Variants in PDLIM5 observed in about 807,000 individuals in gnomAD.
The protein encoded by PDLIM5 is PDZ and LIM domain 5, also known as PDZ and LIM domain protein 5.
Under a neutral mutation model 64.2 loss-of-function variants are expected in PDLIM5, and 34 were observed. The ratio of observed to expected loss-of-function variants is 0.53; its 90% CI spans 0.40 to 0.71. The LOEUF (loss-of-function observed/expected upper bound fraction) is 0.71. Ranked by LOEUF, PDLIM5 falls within the 30% of genes least tolerant of loss-of-function variation. The pLI is 0.00. For missense variants in PDLIM5, 683 were observed against 733.6 expected (o/e 0.93, Z 0.80); for synonymous variants, 253 against 269.1 (o/e 0.94, Z 0.59).
chr4:94,593,657 G>A (rs1736847144), intron 7 of PDLIM5, among the ~76,000 whole-genome samples: 1 of 152,054 alleles, frequency 6.6e-6, no homozygotes, highest in Non-Finnish European at 1.5e-5. Context: ...CCTCTTTAAA[G>A]GACCTATCTC....
Position 94,640,339 on chromosome 4 carries a change from C to T in PDLIM5, c.1172C>T (p.Ser391Leu). The T allele has an allele frequency of 6.2e-7, 1 of 1,612,578 alleles. No homozygotes were observed. The highest frequency in any genetic ancestry group is 8.5e-7 in the Non-Finnish European group (1 of 1,178,658). The change falls in exon 9 of 13, where the codon TCA (serine) becomes TTA (leucine). Residue 391 changes from serine to leucine, a missense_variant. Transcript: ENST00000317968. ...TCAGGATCAGTGGCACCAGCCAACT[C>T]AGCTTTGGGACAAACCCAGCCAAGT... ...TYSGSVAPAN[S>L]ALGQTQPSDQ...
intron 3 of PDLIM5, among the ~76,000 whole-genome samples, chr4:94,567,234 C>T (rs1342623618): frequency 6.6e-6 from 1 of 152,182 alleles, no homozygotes; most frequent in Non-Finnish European, 1.5e-5. Flanking sequence ...ACCTCGTGAT[C>T]TGCCCACCTT....
At chr4:94,507,701 A>T (rs112003085) in intron 2 of PDLIM5, among the ~76,000 whole-genome samples, 1 of 152,330 alleles carries the variant, frequency 6.6e-6, no homozygotes, top group South Asian at 2.1e-4. Context: ...TTTACCTGCA[A>T]CTTCTGGTAG....
chr4:94,619,761 A>G (rs981330971), intron 8 of PDLIM5, among the ~76,000 whole-genome samples: 1 of 152,132 alleles, frequency 6.6e-6, no homozygotes, highest in Non-Finnish European at 1.5e-5. Context: ...TGCCACTTCA[A>G]CTTCCCTAGT....
Position 94,654,649 on chromosome 4 carries a change from T to C in PDLIM5, c.1464+9T>C, listed in dbSNP as rs1294935961. On this transcript the variant is annotated intron_variant, in intron 10 of 12. Transcript: ENST00000317968. ...AAAGGAAGATCCTTGGAGTAAGTAT[T>C]GGAAACGTTTTTATTCTGAATGAGT... The C allele has an allele frequency of 2.1e-5, 33 of 1,570,404 alleles. No homozygotes were observed. The highest frequency in any genetic ancestry group is 2.8e-5 in the Non-Finnish European group (32 of 1,145,962).
In PDLIM5 at chr4:94,517,764, A is replaced by G. The variant is rs1246476484; in HGVS notation, c.97-5960A>G. Among the ~76,000 whole-genome samples, 4 of 152,228 alleles carry G rather than the reference A, an allele frequency of 2.6e-5. No individual in the cohort carries two copies. In the East Asian group the frequency reaches 7.7e-4, roughly 29 times the overall value. On this transcript the variant is annotated intron_variant, in intron 2 of 12. Coordinates refer to ENST00000317968, the MANE Select transcript of PDLIM5 (RefSeq NM_006457.5). ...CATTCCATATTTGTTGAAAATATGC[A>G]GAAGATTGAAACTTGCCCTTTGGTA... is the stretch of plus-strand genomic sequence containing the variant.
At chr4:94,614,970 C>T (rs1236210218) in intron 7 of PDLIM5, among the ~76,000 whole-genome samples, 1 of 152,124 alleles carries the variant, frequency 6.6e-6, no homozygotes, top group Non-Finnish European at 1.5e-5. Flanking sequence ...AGTAAATGTA[C>T]TTATTGCTAA....
At chr4:94,624,767 G>A (rs1396214967) in intron 8 of PDLIM5, among the ~76,000 whole-genome samples, 2 of 152,180 alleles carry the variant, frequency 1.3e-5, no homozygotes, top group Admixed American at 6.5e-5. Flanking sequence ...AAGTAGTTCA[G>A]TATGTTTAAG....
chr4:94,592,889 G>A (rs1560727439), intron 7 of PDLIM5, among the ~76,000 whole-genome samples: 1 of 152,088 alleles, frequency 6.6e-6, no homozygotes, highest in African/African-American at 2.4e-5. Context: ...TAGGATCGTC[G>A]GTGTGAGCCA....
chr4:94,523,945 C>A, intron 3 of PDLIM5, 70 bp downstream of exon 3: 2 of 1,152,894 alleles, frequency 1.7e-6, no homozygotes, highest in Non-Finnish European at 2.5e-6. Flanking sequence ...GTGTCTGACT[C>A]ACGGTGTTAA....
chr4:94,645,345 T>G (rs537196572), intron 9 of PDLIM5, among the ~76,000 whole-genome samples: 3 of 152,252 alleles, frequency 2.0e-5, no homozygotes, highest in African/African-American at 7.2e-5. Flanking sequence ...TCCATATTTT[T>G]GCAGTTGTGA....
At chr4:94,610,219 A>G in intron 7 of PDLIM5, 1 of 1,519,410 alleles carries the variant, frequency 6.6e-7, no homozygotes, top group Non-Finnish European at 8.8e-7. Flanking sequence ...AAACTTTTCT[A>G]CCTTCTCTTC....
chr4:94,643,802 A>G (rs1006233457), intron 9 of PDLIM5, among the ~76,000 whole-genome samples: 3 of 152,186 alleles, frequency 2.0e-5, no homozygotes, highest in Admixed American at 6.5e-5. Context: ...GTGATTTTCA[A>G]ACCTCTCTCA....
chr4:94,528,638 C>T (rs896653040), intron 3 of PDLIM5, among the ~76,000 whole-genome samples: 8 of 152,002 alleles, frequency 5.3e-5, no homozygotes, highest in Admixed American at 1.3e-4. Flanking sequence ...TACTATGTGC[C>T]GGGCACTGTT....
chr4:94,525,287 T>C (rs895620642), intron 3 of PDLIM5, among the ~76,000 whole-genome samples: 1 of 152,008 alleles, frequency 6.6e-6, no homozygotes, highest in African/African-American at 2.4e-5. Context: ...GGTGTGGTGG[T>C]GCATGCCTGT....
chr4:94,510,652 G>C (rs1244644850), intron 2 of PDLIM5, among the ~76,000 whole-genome samples: 2 of 152,042 alleles, frequency 1.3e-5, no homozygotes, highest in East Asian at 3.9e-4. Context: ...CTTAGACCCA[G>C]AGCTGATTTT....
At chr4:94,557,338 G>A (rs541978502) in intron 3 of PDLIM5, among the ~76,000 whole-genome samples, 15 of 152,286 alleles carry the variant, frequency 9.8e-5, no homozygotes, top group African/African-American at 3.4e-4. Context: ...GTCAGGTAGT[G>A]TGATGCCTCC....
At chr4:94,556,053 G>T (rs1355517983) in intron 3 of PDLIM5, among the ~76,000 whole-genome samples, 84 of 64,206 alleles carry the variant, frequency 1.3e-3, no homozygotes, top group Admixed American at 5.3e-3. Flanking sequence ...TATCCCTCCC[G>T]CCTCCCCCCA....
intron 10 of PDLIM5, among the ~76,000 whole-genome samples, chr4:94,656,355 A>G (rs1023581503): frequency 5.3e-5 from 8 of 151,888 alleles, no homozygotes; most frequent in African/African-American, 9.7e-5. Context: ...TAAAACCAAC[A>G]CCCAAAACCT....
Sources: gnomAD v4.1 joint callset for allele counts (sites outside exome capture counted in the v4.1 genomes callset) on GRCh38, gnomAD v4.1.1 for gene constraint, MANE v1.5 for transcripts, NCBI Gene and HGNC (gene_info 2026-07-23, HGNC 2026-07-21) for gene names.